Variants in TECPR2 observed in about 807,000 individuals in gnomAD.
The protein encoded by TECPR2 is tectonin beta-propeller repeat-containing protein 2.
A neutral mutation model predicts 138.1 loss-of-function variants in TECPR2; 65 were observed. The ratio of observed to expected loss-of-function variants is 0.47; its 90% CI spans 0.39 to 0.58. The LOEUF is 0.58. TECPR2 is among the 20% of genes least tolerant of loss of function. TECPR2 has a pLI of 0.00. For synonymous variants in TECPR2, 746 were observed against 749.8 expected, an observed-to-expected ratio of 0.99 and a Z score of 0.08; for missense variants, 1,553 against 1,824.5, an observed-to-expected ratio of 0.85 and a Z score of 2.71.
rs150024285 is a variant in TECPR2, at chr14:102,487,185, C to A, written c.3790-9794C>A. 5.0e-3 allele frequency among the ~76,000 whole-genome samples: 763 copies of A among 152,300 alleles called. 6 individuals carry two copies. The highest frequency in any genetic ancestry group is 0.017 in the African/African-American group (703 of 41,556). Reference sequence around the variant, plus strand: ...AAGCACAAATGGCCGCCTGGATAACCGTGGTTTGTTTGGGTTAGGATTATT... The same window carrying A: ...AAGCACAAATGGCCGCCTGGATAACAGTGGTTTGTTTGGGTTAGGATTATT... On this transcript the variant is annotated intron_variant, in intron 17 of 19. Transcript: ENST00000359520.
rs765053622 is a variant in TECPR2, at chr14:102,408,541, T to G, written c.402T>G (p.Ala134=). The G allele has an allele frequency of 6.2e-7, 1 of 1,613,660 alleles. No homozygotes were observed. The highest frequency in any genetic ancestry group is 2.2e-5 in the East Asian group (1 of 44,856). The part of the protein sequence containing the change: ...GIHKNSITAL[A]WSPNGMKLFS... ...ACAAAAATAGCATTACAGCTCTGGC[T>G]TGGAGCCCCAATGGAATGAAATTGT... is the stretch of plus-strand genomic sequence containing the variant. The change falls in exon 4 of 20, where the codon GCT becomes GCG. Residue 134 remains alanine, a synonymous_variant. Transcript: ENST00000359520.
At chr14:102,495,153 G>T (rs1018683496) in intron 17 of TECPR2, among the ~76,000 whole-genome samples, 3 of 152,046 alleles carry the variant, frequency 2.0e-5, no homozygotes, top group African/African-American at 7.3e-5. Flanking sequence ...GATGGAGGTT[G>T]CAGTGAGCCG....
intron 2 of TECPR2, among the ~76,000 whole-genome samples, chr14:102,382,661 A>G (rs1038345733): frequency 3.3e-5 from 5 of 152,328 alleles, no homozygotes; most frequent in African/African-American, 7.2e-5. Flanking sequence ...GTTAGAAAAC[A>G]TACCTCAACA....
intron 2 of TECPR2, among the ~76,000 whole-genome samples, chr14:102,381,263 T>C (rs1887808187): frequency 6.6e-6 from 1 of 152,174 alleles, no homozygotes; most frequent in Non-Finnish European, 1.5e-5. Flanking sequence ...GCCTGGCCGA[T>C]AGTAGCACAT....
intron 2 of TECPR2, among the ~76,000 whole-genome samples, chr14:102,391,988 T>C (rs11627412): frequency 0.12 from 18,476 of 152,142 alleles, 1,553 homozygotes; most frequent in South Asian, 0.29. Flanking sequence ...TTGTTTTTTG[T>C]TTTGTTTTGT....
At chr14:102,493,834 G>A (rs1001783454) in intron 17 of TECPR2, among the ~76,000 whole-genome samples, 1 of 152,234 alleles carries the variant, frequency 6.6e-6, no homozygotes, top group African/African-American at 2.4e-5. Context: ...CTGAGGTTCT[G>A]CGTGGAAAGT....
chr14:102,472,414 A>G (rs1050421032), intron 17 of TECPR2, among the ~76,000 whole-genome samples: 3 of 152,208 alleles, frequency 2.0e-5, no homozygotes, highest in East Asian at 3.8e-4. Context: ...TTGCCAGGAA[A>G]ATGGCCAAAA....
chr14:102,405,542 G>T (rs1457181645), intron 2 of TECPR2, among the ~76,000 whole-genome samples: 1 of 152,182 alleles, frequency 6.6e-6, no homozygotes, highest in African/African-American at 2.4e-5. Flanking sequence ...GTAAGGATGT[G>T]AGAAATGGGA....
At chr14:102,394,353 C>G (rs1699836617) in intron 2 of TECPR2, among the ~76,000 whole-genome samples, 1 of 152,160 alleles carries the variant, frequency 6.6e-6, no homozygotes. Flanking sequence ...CACCTGTAAT[C>G]CCAGCACTTT....
chr14:102,445,652 C>T lies in TECPR2; in HGVS notation c.2934-154C>T, dbSNP rs2273909. On this transcript the variant is annotated intron_variant, in intron 12 of 19. Coordinates refer to ENST00000359520, the MANE Select transcript of TECPR2 (RefSeq NM_014844.5). The stretch of plus-strand genomic sequence containing the variant: ...TCTTGCACAGTAATTTAACTCAGAC[C>T]CAAACTTCCTTCCCTGGCACCTGCT... Among the ~76,000 whole-genome samples the T allele has an allele frequency of 0.027, 4,142 of 152,116 alleles. 74 individuals are homozygous for T. Among genetic ancestry groups the T allele is most frequent in the Middle Eastern group, 0.088 (26 of 294 alleles).
At chr14:102,489,892 G>C (rs527345666) in intron 17 of TECPR2, among the ~76,000 whole-genome samples, 1 of 152,120 alleles carries the variant, frequency 6.6e-6, no homozygotes, top group East Asian at 1.9e-4. Context: ...AGCAGTGCCA[G>C]GCTCAGCCGG....
At chr14:102,423,331 C>T (rs1211470800) in intron 5 of TECPR2, among the ~76,000 whole-genome samples, 1 of 151,836 alleles carries the variant, frequency 6.6e-6, no homozygotes, top group Non-Finnish European at 1.5e-5. Context: ...ACATGGGAGG[C>T]TGAGGCAGGA....
intron 2 of TECPR2, among the ~76,000 whole-genome samples, chr14:102,390,767 G>C (rs1172787736): frequency 6.6e-6 from 1 of 150,900 alleles, no homozygotes; most frequent in Non-Finnish European, 1.5e-5. Context: ...AGCAACTTTT[G>C]GACTAAAAGT....
Position 102,435,139 on chromosome 14 carries a change from C to A in TECPR2, c.2322C>A (p.Leu774=). 1 of 1,613,394 alleles carries A rather than the reference C, an allele frequency of 6.2e-7. No individual in the cohort carries two copies. Among genetic ancestry groups the A allele is most frequent in the South Asian group, 1.1e-5 (1 of 91,076 alleles). ...CCTCAGAGACGAGTGTGACAGAGCT[C>A]GGACCTAGTTGCTCCCAGCAGGACC... The part of the protein sequence containing the change: ...SSSSETSVTE[L]GPSCSQQDLS... The change falls in exon 9 of 20, where the codon CTC becomes CTA. Residue 774 remains leucine, a synonymous_variant. Transcript: ENST00000359520.
At chr14:102,450,475 C>T (rs1479579670) in intron 14 of TECPR2, 85 bp from the exon 15 acceptor site, 1 of 1,335,236 alleles carries the variant, frequency 7.5e-7, no homozygotes, top group Non-Finnish European at 1.1e-6. Context: ...GGTTTGAAGG[C>T]CAGCTGTCGT....
chr14:102,368,899 G>A (rs771693702), intron 1 of TECPR2, among the ~76,000 whole-genome samples: 9 of 152,132 alleles, frequency 5.9e-5, no homozygotes, highest in African/African-American at 2.2e-4. Context: ...ATTGTTGTAC[G>A]GGTGAGGGAA....
chr14:102,368,980 T>C (rs1248835059), intron 1 of TECPR2, among the ~76,000 whole-genome samples: 1 of 152,214 alleles, frequency 6.6e-6, no homozygotes, highest in Non-Finnish European at 1.5e-5. Context: ...GTGATTATGC[T>C]GTTACCTGCC....
chr14:102,440,035 C>G (rs1889787605), intron 10 of TECPR2, among the ~76,000 whole-genome samples: 1 of 152,250 alleles, frequency 6.6e-6, no homozygotes, highest in Non-Finnish European at 1.5e-5. Context: ...ACTAGTTGTG[C>G]TTAGGATGTT....
chr14:102,398,365 G>A (rs1180977619), intron 2 of TECPR2, among the ~76,000 whole-genome samples: 1 of 152,142 alleles, frequency 6.6e-6, no homozygotes, highest in East Asian at 1.9e-4. Context: ...CATCATCAAA[G>A]AGACTAACAT....
Sources: gnomAD v4.1 joint callset for allele counts (sites outside exome capture counted in the v4.1 genomes callset) on GRCh38, gnomAD v4.1.1 for gene constraint, MANE v1.5 for transcripts, NCBI Gene and HGNC (gene_info 2026-07-23, HGNC 2026-07-21) for gene names.